Variants in NTM observed in about 807,000 individuals in gnomAD.
NTM encodes IgLON family member 2.
Under a neutral mutation model 42.1 loss-of-function variants are expected in NTM, and 13 were observed. That is an observed-to-expected ratio of 0.31 (90% CI 0.20 to 0.49). NTM has a LOEUF of 0.49. Among genes scored for constraint, NTM ranks in the 20% least tolerant of loss-of-function variants. The probability of loss-of-function intolerance (pLI) is 0.99; values close to 1 mark genes in which losing one functional copy is unlikely to be tolerated. For synonymous variants in NTM, 187 were observed against 179.2 expected, an observed-to-expected ratio of 1.04 and a Z score of -0.35; for missense variants, 373 against 452.8, an observed-to-expected ratio of 0.82 and a Z score of 1.60.
chr11:132,091,566 G>T lies in NTM; in HGVS notation c.168-54716G>T, dbSNP rs991796230. ...GGTGATCATGGCTCACTGCAGCCTC[G>T]ACCTCCCTGCCTCAAGCAATCCTCC... On this transcript the variant is annotated intron_variant, in intron 2 of 8. Coordinates refer to ENST00000683400, the MANE Select transcript of NTM (RefSeq NM_001352005.2). 5.9e-5 allele frequency among the ~76,000 whole-genome samples: 9 copies of T among 151,708 alleles called. No individual in the cohort carries two copies. In the East Asian group the frequency reaches 1.7e-3, roughly 29 times the overall value.
At chr11:131,761,467 T>C (rs2084162952) in intron 1 of NTM, among the ~76,000 whole-genome samples, 1 of 152,030 alleles carries the variant, frequency 6.6e-6, no homozygotes, top group Admixed American at 6.5e-5. Flanking sequence ...GGGCTAAATA[T>C]AGTGATGAGG....
chr11:131,848,246 C>T (rs1042112705), intron 1 of NTM, among the ~76,000 whole-genome samples: 3 of 152,102 alleles, frequency 2.0e-5, no homozygotes, highest in African/African-American at 7.2e-5. Flanking sequence ...GTGTATTTTC[C>T]CTTGGTTACA....
chr11:132,164,558 C>T lies in NTM; in HGVS notation c.400+18044C>T, dbSNP rs575435744. Among the ~76,000 whole-genome samples the T allele has an allele frequency of 7.2e-5, 11 of 152,286 alleles. 1 individual carries two copies. The highest frequency in any genetic ancestry group is 4.6e-4 in the Admixed American group (7 of 15,298). On this transcript the variant is annotated intron_variant, in intron 3 of 8. Coordinates refer to ENST00000683400, the MANE Select transcript of NTM (RefSeq NM_001352005.2). Reference sequence around the variant, plus strand: ...TGTAAATGCACTCTGCACAAGTTGACGTCACCTGTGGAACCTCGGTGACGA... The same window carrying T: ...TGTAAATGCACTCTGCACAAGTTGATGTCACCTGTGGAACCTCGGTGACGA...
intron 2 of NTM, among the ~76,000 whole-genome samples, chr11:131,999,547 C>T (rs2068761950): frequency 6.6e-6 from 1 of 152,208 alleles, no homozygotes; most frequent in Non-Finnish European, 1.5e-5. Flanking sequence ...AGTTCACTTT[C>T]AGAGTCATGG....
At chr11:132,261,380 G>A (rs1323669442) in intron 4 of NTM, among the ~76,000 whole-genome samples, 1 of 152,200 alleles carries the variant, frequency 6.6e-6, no homozygotes, top group African/African-American at 2.4e-5. Context: ...TGGAATGCCA[G>A]TTATGAGTGC....
At chr11:131,394,812 TG>T (rs1267260786) in intron 1 of NTM, among the ~76,000 whole-genome samples, 1 of 152,178 alleles carries the variant, frequency 6.6e-6, no homozygotes, top group Admixed American at 6.5e-5. Context: ...ATGGATAAGT[TG>T]GTCAATTCAC....
intron 1 of NTM, among the ~76,000 whole-genome samples, chr11:131,699,084 C>T (rs2075794281): frequency 6.6e-6 from 1 of 152,138 alleles, no homozygotes; most frequent in South Asian, 2.1e-4. Flanking sequence ...AATGTGTGTT[C>T]ATCTTAATGC....
chr11:131,714,025 C>T (rs889165615), intron 1 of NTM, among the ~76,000 whole-genome samples: 2 of 152,134 alleles, frequency 1.3e-5, no homozygotes, highest in African/African-American at 4.8e-5. Context: ...TTTGCACATG[C>T]TCACTTGAGG....
At chr11:132,152,851 A>C (rs1319555216) in intron 3 of NTM, among the ~76,000 whole-genome samples, 1 of 152,248 alleles carries the variant, frequency 6.6e-6, no homozygotes, top group Non-Finnish European at 1.5e-5. Flanking sequence ...AGTTATATTC[A>C]TTGAATAATG....
At chr11:131,754,824 A>G (rs2083108426) in intron 1 of NTM, among the ~76,000 whole-genome samples, 1 of 152,196 alleles carries the variant, frequency 6.6e-6, no homozygotes, top group Non-Finnish European at 1.5e-5. Flanking sequence ...TTAACAGTAA[A>G]TCCAAACAAT....
chr11:131,397,521 C>A (rs570980666), intron 1 of NTM, among the ~76,000 whole-genome samples: 31 of 152,250 alleles, frequency 2.0e-4, no homozygotes, highest in African/African-American at 7.0e-4. Flanking sequence ...TGTATTATTT[C>A]ATCTTGCTTT....
intron 1 of NTM, among the ~76,000 whole-genome samples, chr11:131,545,968 A>ATG (rs2053885815): frequency 6.6e-6 from 1 of 152,180 alleles, no homozygotes; most frequent in Non-Finnish European, 1.5e-5. Context: ...CCAGCTGTTT[A>ATG]TGGGTAGTCA....
At chr11:132,045,449 A>G (rs1262036707) in intron 2 of NTM, among the ~76,000 whole-genome samples, 3 of 152,186 alleles carry the variant, frequency 2.0e-5, no homozygotes, top group African/African-American at 7.2e-5. Context: ...TTCTACATGT[A>G]GAGATATCTG....
chr11:131,640,481 A>G (rs970326393), intron 1 of NTM, among the ~76,000 whole-genome samples: 2 of 152,160 alleles, frequency 1.3e-5, no homozygotes, highest in Admixed American at 6.5e-5. Flanking sequence ...TGTTGCCTGA[A>G]CCATGAGATT....
At chr11:132,162,441 G>C (rs571935055) in intron 3 of NTM, among the ~76,000 whole-genome samples, 222 of 147,944 alleles carry the variant, frequency 1.5e-3, no homozygotes, top group Middle Eastern at 3.6e-3. Flanking sequence ...TTTTTGTGTA[G>C]AGCATGTGTG....
chr11:131,554,309 C>T (rs1003859230), intron 1 of NTM, among the ~76,000 whole-genome samples: 1 of 152,180 alleles, frequency 6.6e-6, no homozygotes, highest in East Asian at 1.9e-4. Context: ...TAAATGATTT[C>T]AGTGATGAAC....
At chr11:132,055,863 C>T (rs2079576025) in intron 2 of NTM, among the ~76,000 whole-genome samples, 1 of 152,206 alleles carries the variant, frequency 6.6e-6, no homozygotes, top group South Asian at 2.1e-4. Flanking sequence ...CTGTCCTTGG[C>T]AGGCTTGTAA....
At chr11:131,468,556 C>T (rs1203766927) in intron 1 of NTM, among the ~76,000 whole-genome samples, 1 of 151,766 alleles carries the variant, frequency 6.6e-6, no homozygotes. Flanking sequence ...AGTTTTTTTT[C>T]TATAGATTTT....
chr11:132,268,857 G>A (rs1400136368), intron 4 of NTM, among the ~76,000 whole-genome samples: 4 of 152,144 alleles, frequency 2.6e-5, no homozygotes, highest in Non-Finnish European at 5.9e-5. Flanking sequence ...AAAGGATGGT[G>A]AGTCTCAGTG....
Sources: gnomAD v4.1 joint callset for allele counts (sites outside exome capture counted in the v4.1 genomes callset) on GRCh38, gnomAD v4.1.1 for gene constraint, MANE v1.5 for transcripts, NCBI Gene and HGNC (gene_info 2026-07-23, HGNC 2026-07-21) for gene names.